The following MSH3 variants were observed in gnomAD, a reference collection of about 807,000 sequenced individuals.
MSH3 encodes mutS homolog 3.
Under a neutral mutation model 123.3 loss-of-function variants are expected in MSH3, and 106 were observed. That is an observed-to-expected ratio of 0.86 (90% confidence interval 0.73 to 1.01). The LOEUF (loss-of-function observed/expected upper bound fraction) is 1.01. Among genes scored for constraint, MSH3 ranks in the 50% least tolerant of loss-of-function variants. MSH3 has a pLI of 0.00. For synonymous variants in MSH3, 515 were observed against 481.4 expected (o/e 1.07, Z -0.91); for missense variants, 1,459 against 1,347.6 (o/e 1.08, Z -1.29).
intron 8 of MSH3, among the ~76,000 whole-genome samples, chr5:80,681,709 CA>C (rs1450450305): frequency 3.3e-5 from 5 of 151,700 alleles, no homozygotes; most frequent in Non-Finnish European, 7.4e-5. Flanking sequence ...TCAACACATT[CA>C]TTTTTTTGTT....
intron 19 of MSH3, among the ~76,000 whole-genome samples, chr5:80,793,822 A>T (rs371446547): frequency 1.3e-5 from 2 of 152,226 alleles, no homozygotes; most frequent in East Asian, 1.9e-4. Flanking sequence ...CTGGGTAAAA[A>T]TAGTGAAGTT....
Position 80,875,765 on chromosome 5 carries a change from A to G in MSH3, c.3317A>G (p.Tyr1106Cys). The G allele has an allele frequency of 6.2e-7, 1 of 1,612,220 alleles. No homozygotes were observed. The change falls in exon 24 of 24, where the codon TAT (tyrosine) becomes TGT (cysteine). Residue 1106 changes from tyrosine to cysteine, a missense_variant. By Grantham distance (194) the Tyr-to-Cys change is radical. Coordinates refer to ENST00000265081, the MANE Select transcript of MSH3 (RefSeq NM_002439.5). Reference protein sequence around the residue: ...LINTKRKRLKYFAKLWTMHNA... With the variant: ...LINTKRKRLKCFAKLWTMHNA... The stretch of plus-strand genomic sequence containing the variant: ...TTTTTCCCCAGAAAGAGACTCAAGT[A>G]TTTTGCAAAGTTATGGACGATGCAT...
intron 12 of MSH3, among the ~76,000 whole-genome samples, chr5:80,748,340 G>A (rs1300130296): frequency 1.3e-5 from 2 of 152,072 alleles, no homozygotes; most frequent in African/African-American, 4.8e-5. Context: ...TCTCTTTGGT[G>A]CAAAATTTTA....
chr5:80,777,804 A>G (rs548774950), intron 16 of MSH3, among the ~76,000 whole-genome samples: 1 of 152,270 alleles, frequency 6.6e-6, no homozygotes, highest in Non-Finnish European at 1.5e-5. Flanking sequence ...AAAAAAGACC[A>G]GACACCTTGA....
chr5:80,692,238 GTATA>G (rs1298266306), intron 8 of MSH3, among the ~76,000 whole-genome samples: 1 of 50,210 alleles, frequency 2.0e-5, no homozygotes, highest in African/African-American at 8.8e-5. Context: ...AGATAAACAT[GTATA>G]TGTTTAGATA....
intron 20 of MSH3, among the ~76,000 whole-genome samples, chr5:80,852,400 C>A (rs562680830): frequency 2.6e-4 from 39 of 152,252 alleles, no homozygotes; most frequent in African/African-American, 8.7e-4. Flanking sequence ...CAATGACCCC[C>A]CAAAATATTT....
intron 9 of MSH3, among the ~76,000 whole-genome samples, chr5:80,727,280 A>G (rs1338053093): frequency 6.6e-6 from 1 of 152,232 alleles, no homozygotes; most frequent in Non-Finnish European, 1.5e-5. Context: ...AGAAAGTTAA[A>G]AGAAAATCAA....
At chr5:80,842,809 G>A (rs1397925588) in intron 20 of MSH3, among the ~76,000 whole-genome samples, 1 of 152,150 alleles carries the variant, frequency 6.6e-6, no homozygotes, top group Non-Finnish European at 1.5e-5. Context: ...TTTGGGCTGA[G>A]ACGATGGGGT....
chr5:80,706,289 C>T (rs777340928), intron 8 of MSH3, among the ~76,000 whole-genome samples: 5 of 152,036 alleles, frequency 3.3e-5, no homozygotes, highest in African/African-American at 4.8e-5. Context: ...ACTCAAAAGG[C>T]GTATGATTGA....
intron 19 of MSH3, among the ~76,000 whole-genome samples, chr5:80,801,427 G>A (rs1256086198): frequency 6.6e-6 from 1 of 152,098 alleles, no homozygotes; most frequent in African/African-American, 2.4e-5. Context: ...CTTATCTCGT[G>A]CTGGCAGTCT....
At chr5:80,801,933 T>C (rs1744796731) in intron 19 of MSH3, among the ~76,000 whole-genome samples, 1 of 152,238 alleles carries the variant, frequency 6.6e-6, no homozygotes, top group African/African-American at 2.4e-5. Context: ...TTTCACACTC[T>C]GTTATTTTCT....
At chr5:80,858,477 T>A (rs1033670000) in intron 21 of MSH3, among the ~76,000 whole-genome samples, 2 of 152,230 alleles carry the variant, frequency 1.3e-5, no homozygotes, top group Non-Finnish European at 2.9e-5. Flanking sequence ...ATATGTTTTT[T>A]AAGAATGTGT....
chr5:80,710,485 T>C (rs1160345209), intron 8 of MSH3, among the ~76,000 whole-genome samples: 1 of 152,226 alleles, frequency 6.6e-6, no homozygotes, highest in Non-Finnish European at 1.5e-5. Flanking sequence ...TCTCTGGTGG[T>C]AAAGTTTCTG....
chr5:80,804,347 G>A (rs1744844915), intron 19 of MSH3, among the ~76,000 whole-genome samples: 1 of 152,230 alleles, frequency 6.6e-6, no homozygotes, highest in African/African-American at 2.4e-5. Flanking sequence ...CTGACCCAGT[G>A]AGCATTGAAG....
chr5:80,806,085 T>C (rs757211599), intron 19 of MSH3, among the ~76,000 whole-genome samples: 11 of 152,172 alleles, frequency 7.2e-5, no homozygotes, highest in Non-Finnish European at 1.3e-4. Flanking sequence ...TTAATCAATC[T>C]ACTCAGAATT....
At chr5:80,686,297 A>T (rs1305793036) in intron 8 of MSH3, among the ~76,000 whole-genome samples, 5 of 151,376 alleles carry the variant, frequency 3.3e-5, no homozygotes, top group Non-Finnish European at 5.9e-5. Flanking sequence ...TCCAGCTGCT[A>T]TTTTTTTTCT....
chr5:80,759,212 C>T (rs1743988258), intron 12 of MSH3, among the ~76,000 whole-genome samples: 1 of 152,084 alleles, frequency 6.6e-6, no homozygotes, highest in Non-Finnish European at 1.5e-5. Flanking sequence ...GTAGGAAAGA[C>T]AGTGAAGTAG....
At chr5:80,736,577 A>C (rs1484367445) in intron 10 of MSH3, among the ~76,000 whole-genome samples, 1 of 152,000 alleles carries the variant, frequency 6.6e-6, no homozygotes, top group African/African-American at 2.4e-5. Context: ...ATTTCGGGAG[A>C]GTTTTCACCA....
At chr5:80,715,952 T>C (rs1336890424) in intron 8 of MSH3, among the ~76,000 whole-genome samples, 1 of 152,092 alleles carries the variant, frequency 6.6e-6, no homozygotes. Context: ...CTTTTCCTGA[T>C]CACAGAAATG....
Sources: gnomAD v4.1 joint callset for allele counts (sites outside exome capture counted in the v4.1 genomes callset) on GRCh38, gnomAD v4.1.1 for gene constraint, MANE v1.5 for transcripts, NCBI Gene and HGNC (gene_info 2026-07-23, HGNC 2026-07-21) for gene names.